The following UBE2R2 variants were observed in gnomAD, a reference collection of about 807,000 sequenced individuals.
The protein encoded by UBE2R2 is ubiquitin conjugating enzyme E2 R2.
Under a neutral mutation model 27.8 loss-of-function variants are expected in UBE2R2, and 1 was observed. The observed-to-expected ratio is 0.04, with a 90% CI of 0.01 to 0.17. The LOEUF (loss-of-function observed/expected upper bound fraction) is 0.17. Ranked by LOEUF, UBE2R2 falls within the 10% of genes least tolerant of loss-of-function variation. UBE2R2 has a pLI of 1.00. For missense variants in UBE2R2, 100 were observed against 291.0 expected (o/e 0.34, Z 4.78); for synonymous variants, 106 against 113.3 (o/e 0.94, Z 0.41).
chr9:33,908,866 T>G (rs777700534), intron 3 of UBE2R2, among the ~76,000 whole-genome samples: 4 of 152,200 alleles, frequency 2.6e-5, no homozygotes, highest in Admixed American at 1.3e-4. Context: ...CACAGTGGCA[T>G]GCACCTGTAG....
At position 33,877,823 on chromosome 9, in the gene UBE2R2, G is replaced by GTCTGTCTGTCTCTCTCTCTCTCTCTC; in HGVS notation, c.178-9055_178-9054insGTCTGTCTCTCTCTCTCTCTCTCTCT. On this transcript the variant is annotated intron_variant, in intron 1 of 4. Coordinates refer to ENST00000263228, the MANE Select transcript of UBE2R2 (RefSeq NM_017811.4). ...TCTCTGTCTGTCTGTCTGTCTGTCT[G>GTCTGTCTGTCTCTCTCTCTCTCTCTC]TCTCTCTCTCTCTCTCTCTCTCTCT... 1.3e-3 allele frequency among the ~76,000 whole-genome samples: 167 copies of GTCTGTCTGTCTCTCTCTCTCTCTCTC among 131,100 alleles called. 1 individual carries two copies. Among genetic ancestry groups the GTCTGTCTGTCTCTCTCTCTCTCTCTC allele is most frequent in the East Asian group, 2.9e-3 (14 of 4,758 alleles). The allele number at this position is 131,100 out of a possible 152,430, so 86.0% of individuals were successfully genotyped here.
intron 1 of UBE2R2, among the ~76,000 whole-genome samples, chr9:33,829,473 A>AG (rs1820395538): frequency 6.6e-6 from 1 of 152,208 alleles, no homozygotes; most frequent in African/African-American, 2.4e-5. Context: ...CTGAATGCCT[A>AG]GACTTCACCT....
chr9:33,869,665 G>A (rs1013982948), intron 1 of UBE2R2, among the ~76,000 whole-genome samples: 3 of 151,894 alleles, frequency 2.0e-5, no homozygotes, highest in African/African-American at 4.8e-5. Flanking sequence ...GGCCAGGCTC[G>A]TCTGGAACTC....
At chr9:33,871,146 C>T (rs1452610890) in intron 1 of UBE2R2, among the ~76,000 whole-genome samples, 1 of 152,180 alleles carries the variant, frequency 6.6e-6, no homozygotes, top group African/African-American at 2.4e-5. Flanking sequence ...GCTCTTTAAG[C>T]AACTAGTAGA....
chr9:33,877,848 T>TCTCTCTCTCTCTCTCTCTCTCC (rs1554675202), intron 1 of UBE2R2, among the ~76,000 whole-genome samples: 3 of 151,344 alleles, frequency 2.0e-5, no homozygotes, highest in Non-Finnish European at 2.9e-5. Flanking sequence ...TCTCTCTCTC[T>TCTCTCTCTCTCTCTCTCTCTCC]CCCACTCTCC....
chr9:33,822,395 A>G (rs1825997630), intron 1 of UBE2R2, among the ~76,000 whole-genome samples: 1 of 147,258 alleles, frequency 6.8e-6, no homozygotes, highest in Non-Finnish European at 1.5e-5. Context: ...CCTGGCCTAC[A>G]CTGACTTACA....
Position 33,888,640 on chromosome 9 carries a change from TTGGGTAG to T in UBE2R2, c.264+1674_264+1680del, listed in dbSNP as rs570148019. ...CAAGCGATTCTCCTGTCTCAGCTTCTTGGGTAGCTGGGACTACAGGTGTGCACGACCA... is the reference window on the plus strand; with the variant it reads ...CAAGCGATTCTCCTGTCTCAGCTTCTCTGGGACTACAGGTGTGCACGACCA... On this transcript the variant is annotated intron_variant, in intron 2 of 4. Transcript: ENST00000263228. 2.5e-4 allele frequency among the ~76,000 whole-genome samples: 38 copies of T among 152,306 alleles called. No homozygotes were observed. The East Asian group carries it at 6.2e-3, about 25-fold the overall frequency.
chr9:33,836,439 G>T (rs1749270), intron 1 of UBE2R2, among the ~76,000 whole-genome samples: 9,277 of 152,124 alleles, frequency 0.061, 648 homozygotes, highest in African/African-American at 0.17. Flanking sequence ...AGTCAGAATT[G>T]TGCAATCATC....
At chr9:33,908,302 C>G (rs1042492867) in intron 3 of UBE2R2, among the ~76,000 whole-genome samples, 13 of 152,164 alleles carry the variant, frequency 8.5e-5, no homozygotes, top group African/African-American at 3.1e-4. Context: ...TTCTGATTGG[C>G]CCAGGTTAGG....
intron 1 of UBE2R2, among the ~76,000 whole-genome samples, chr9:33,883,865 CAA>C (rs993096817): frequency 3.3e-5 from 5 of 150,000 alleles, no homozygotes; most frequent in African/African-American, 1.2e-4. Context: ...ATTTAGTCAT[CAA>C]AAGGAATGAA....
intron 3 of UBE2R2, among the ~76,000 whole-genome samples, chr9:33,906,037 A>C (rs1055239172): frequency 3.3e-5 from 5 of 152,214 alleles, no homozygotes; most frequent in Non-Finnish European, 7.3e-5. Flanking sequence ...ATGTGCATAC[A>C]TGCATGCTTG....
intron 1 of UBE2R2, among the ~76,000 whole-genome samples, chr9:33,819,520 T>G (rs996159867): frequency 6.6e-6 from 1 of 152,240 alleles, no homozygotes; most frequent in Non-Finnish European, 1.5e-5. Flanking sequence ...ATGCAACTTA[T>G]TAGTAACAAA....
At chr9:33,843,675 C>T (rs956604548) in intron 1 of UBE2R2, among the ~76,000 whole-genome samples, 4 of 152,032 alleles carry the variant, frequency 2.6e-5, no homozygotes, top group Admixed American at 2.6e-4. Context: ...GATGGGGTTT[C>T]ACCATGTTGT....
intron 1 of UBE2R2, among the ~76,000 whole-genome samples, chr9:33,860,258 T>G (rs1376091878): frequency 1.3e-5 from 2 of 152,186 alleles, no homozygotes. Context: ...TAGCCTTTTG[T>G]GTAAGTTTAT....
At chr9:33,899,604 A>C (rs1366697477) in intron 2 of UBE2R2, among the ~76,000 whole-genome samples, 1 of 151,904 alleles carries the variant, frequency 6.6e-6, no homozygotes, top group Non-Finnish European at 1.5e-5. Context: ...CGAACTCCTG[A>C]CCTTGTGATC....
intron 1 of UBE2R2, among the ~76,000 whole-genome samples, chr9:33,875,826 C>A (rs1821590962): frequency 6.6e-6 from 1 of 152,148 alleles, no homozygotes; most frequent in African/African-American, 2.4e-5. Context: ...CAACACAGGG[C>A]TACTGATTCT....
chr9:33,877,732 G>A (rs1168828123), intron 1 of UBE2R2, among the ~76,000 whole-genome samples: 1 of 152,044 alleles, frequency 6.6e-6, no homozygotes, highest in African/African-American at 2.4e-5. Context: ...CTAAGGGCAA[G>A]TAGGTAAAAG....
In UBE2R2 at chr9:33,917,459, C is replaced by A. The variant is rs1822676121; in HGVS notation, c.*222C>A. The stretch of plus-strand genomic sequence containing the variant: ...CACAGAATGTCTGAATTCTTGCATT[C>A]TTTACCCTTCCATCACTATATTGAT... On this transcript the variant is annotated 3_prime_UTR_variant, in exon 5 of 5. Transcript: ENST00000263228. 1 of 641,516 alleles carries A rather than the reference C, an allele frequency of 1.6e-6. No homozygotes were observed. Among genetic ancestry groups the A allele is most frequent in the Non-Finnish European group, 2.6e-6 (1 of 384,682 alleles). 39.7% of individuals were successfully genotyped at this position (641,516 alleles called of 1,614,324 possible). A position where few individuals can be genotyped will look rare whatever the true frequency, so the allele number is the denominator to read the frequency against.
intron 1 of UBE2R2, among the ~76,000 whole-genome samples, chr9:33,828,042 A>T (rs1479749598): frequency 1.3e-5 from 2 of 150,126 alleles, no homozygotes; most frequent in African/African-American, 2.4e-5. Context: ...ACAGAGGCTC[A>T]CTGTAGTCCC....
Sources: allele counts gnomAD v4.1 joint callset (sites outside exome capture counted in the v4.1 genomes callset), GRCh38; gene constraint gnomAD v4.1.1; transcripts MANE v1.5; gene names NCBI Gene and HGNC (gene_info 2026-07-23, HGNC 2026-07-21).